CTNNA3: variants seen among roughly 807,000 people sequenced by gnomAD.
CTNNA3 encodes the protein catenin alpha-3.
A neutral mutation model predicts 95.7 loss-of-function variants in CTNNA3; 76 were observed. The observed-to-expected ratio is 0.79, with a 90% CI of 0.66 to 0.96. CTNNA3 has a LOEUF of 0.96. Among genes scored for constraint, CTNNA3 ranks in the 40% least tolerant of loss-of-function variants. The pLI, the probability that CTNNA3 is intolerant of heterozygous loss-of-function variation, is 0.00. For synonymous variants in CTNNA3, 431 were observed against 374.4 expected (o/e 1.15, Z -1.74); for missense variants, 1,191 against 1,089.8 (o/e 1.09, Z -1.31).
At chr10:66,558,886 C>G (rs1842469174) in intron 10 of CTNNA3, among the ~76,000 whole-genome samples, 1 of 152,050 alleles carries the variant, frequency 6.6e-6, no homozygotes, top group South Asian at 2.1e-4. Flanking sequence ...CTATCAGTCT[C>G]TCTTGGAGCT....
chr10:67,455,469 C>T (rs1478400609), intron 5 of CTNNA3, among the ~76,000 whole-genome samples: 7 of 152,152 alleles, frequency 4.6e-5, no homozygotes, highest in Admixed American at 1.3e-4. Context: ...GACTTACTTC[C>T]AAACAGGAGA....
intron 12 of CTNNA3, among the ~76,000 whole-genome samples, chr10:66,357,676 T>C (rs2092621561): frequency 6.6e-6 from 1 of 152,166 alleles, no homozygotes; most frequent in Non-Finnish European, 1.5e-5. Context: ...AATAATGTAG[T>C]ATGTATCATA....
intron 13 of CTNNA3, among the ~76,000 whole-genome samples, chr10:66,271,770 C>T (rs913033937): frequency 6.6e-6 from 1 of 152,160 alleles, no homozygotes; most frequent in Non-Finnish European, 1.5e-5. Context: ...GACTCCCCTG[C>T]CAGTCCAGTG....
At chr10:67,606,563 C>T (rs1017070169) in intron 3 of CTNNA3, among the ~76,000 whole-genome samples, 1 of 151,910 alleles carries the variant, frequency 6.6e-6, no homozygotes, top group Non-Finnish European at 1.5e-5. Flanking sequence ...TCACTATATT[C>T]TAAGACCAAA....
chr10:66,788,812 G>A (rs1840851310), intron 7 of CTNNA3, among the ~76,000 whole-genome samples: 2 of 152,072 alleles, frequency 1.3e-5, no homozygotes, highest in African/African-American at 2.4e-5. Flanking sequence ...TTTACTCAGG[G>A]CCCTTTCACA....
intron 7 of CTNNA3, among the ~76,000 whole-genome samples, chr10:66,998,039 C>T (rs558328549): frequency 6.6e-6 from 1 of 152,182 alleles, no homozygotes; most frequent in Non-Finnish European, 1.5e-5. Context: ...GTTTCATCCC[C>T]TCATTTCTCC....
Position 65,912,559 on chromosome 10 carries a change from C to T in CTNNA3, c.*7771G>A, listed in dbSNP as rs186913595. ...TCTTTTCATTTTTATTGCTTTAACA[C>T]ACATTTTAATTTTCAGTTGAACAAA... On this transcript the variant is annotated 3_prime_UTR_variant, in exon 18 of 18. Coordinates refer to ENST00000433211, the MANE Select transcript of CTNNA3 (RefSeq NM_013266.4). The T allele has an allele frequency of 1.1e-4, 16 of 152,192 alleles. No homozygotes were observed. The highest frequency in any genetic ancestry group is 3.9e-4 in the African/African-American group (16 of 41,534). 9.4% of individuals were successfully genotyped at this position (152,192 alleles called of 1,614,324 possible).
intron 5 of CTNNA3, among the ~76,000 whole-genome samples, chr10:67,246,284 G>T (rs1440400990): frequency 6.6e-6 from 1 of 152,182 alleles, no homozygotes; most frequent in African/African-American, 2.4e-5. Context: ...CCACCCTGGT[G>T]CATAAAATAA....
At chr10:66,752,039 C>T (rs931743539) in intron 9 of CTNNA3, among the ~76,000 whole-genome samples, 17 of 152,172 alleles carry the variant, frequency 1.1e-4, no homozygotes, top group South Asian at 2.1e-4. Context: ...ACTAATATAA[C>T]GATTCAATAT....
At chr10:67,550,321 T>C (rs1210873426) in intron 3 of CTNNA3, among the ~76,000 whole-genome samples, 2 of 152,096 alleles carry the variant, frequency 1.3e-5, no homozygotes, top group African/African-American at 4.8e-5. Flanking sequence ...CAGTGTAATA[T>C]CAAAAGGAGG....
At chr10:67,170,415 C>T (rs1483362674) in intron 7 of CTNNA3, among the ~76,000 whole-genome samples, 3 of 152,156 alleles carry the variant, frequency 2.0e-5, no homozygotes, top group Non-Finnish European at 4.4e-5. Flanking sequence ...GGCACATATT[C>T]ACCATGGAAT....
chr10:66,277,718 G>C (rs147478694), intron 13 of CTNNA3, among the ~76,000 whole-genome samples: 8 of 152,112 alleles, frequency 5.3e-5, no homozygotes, highest in Non-Finnish European at 5.9e-5. Context: ...TGGGGGTATA[G>C]AGATAGAGAC....
At chr10:66,214,713 T>G (rs557574748) in intron 13 of CTNNA3, among the ~76,000 whole-genome samples, 1 of 152,198 alleles carries the variant, frequency 6.6e-6, no homozygotes, top group African/African-American at 2.4e-5. Flanking sequence ...TTCCTTCTGG[T>G]TTCGTAAAGG....
At position 66,733,968 on chromosome 10, in the gene CTNNA3, ATAAT is replaced by A. The variant is rs571715203; in HGVS notation, c.1281+32292_1281+32295del. Among the ~76,000 whole-genome samples, 7 of 151,798 alleles carry A rather than the reference ATAAT, an allele frequency of 4.6e-5. No homozygotes were observed. The South Asian group carries it at 8.3e-4, about 18-fold the overall frequency. ...ATTTATTGCAAATATTTTCCCAGAT[ATAAT>A]TAGTTTTAATTTTATTTATGACATG... is the stretch of plus-strand genomic sequence containing the variant. On this transcript the variant is annotated intron_variant, in intron 9 of 17. Coordinates refer to ENST00000433211, the MANE Select transcript of CTNNA3 (RefSeq NM_013266.4).
chr10:67,235,315 G>T, intron 5 of CTNNA3, among the ~76,000 whole-genome samples: 1 of 151,880 alleles, frequency 6.6e-6, no homozygotes, highest in Non-Finnish European at 1.5e-5. Flanking sequence ...CCAAAACAGA[G>T]ATATAGATCA....
At chr10:67,529,960 T>G (rs1407518310) in intron 4 of CTNNA3, among the ~76,000 whole-genome samples, 1 of 151,988 alleles carries the variant, frequency 6.6e-6, no homozygotes, top group African/African-American at 2.4e-5. Flanking sequence ...TGTCACGAGA[T>G]CTGACGGTTT....
chr10:66,700,853 T>C (rs1228339117), intron 9 of CTNNA3, among the ~76,000 whole-genome samples: 1 of 152,216 alleles, frequency 6.6e-6, no homozygotes, highest in Non-Finnish European at 1.5e-5. Context: ...GCAGGAGCTG[T>C]ATATTCTCAC....
rs1248827088 is a variant in CTNNA3, at chr10:66,845,710, A to ATAAATAAAT, written c.1048-70187_1048-70186insATTTATTTA. Among the ~76,000 whole-genome samples the ATAAATAAAT allele has an allele frequency of 5.9e-4, 51 of 85,940 alleles. 4 individuals are homozygous for ATAAATAAAT. The highest frequency in any genetic ancestry group is 9.9e-4 in the East Asian group (2 of 2,012). 56.4% of individuals were successfully genotyped at this position (85,940 alleles called of 152,430 possible). The stretch of plus-strand genomic sequence containing the variant: ...AACAGCAAAACTCTGTCTCAAAAAA[A>ATAAATAAAT]AAAAAAAAAAAAAAAAAAACTAAAA... On this transcript the variant is annotated intron_variant, in intron 7 of 17. Transcript: ENST00000433211.
chr10:66,411,531 AT>A (rs769498939), intron 11 of CTNNA3, among the ~76,000 whole-genome samples: 93 of 152,224 alleles, frequency 6.1e-4, no homozygotes, highest in Non-Finnish European at 6.5e-4. Context: ...GAATTCAAAA[AT>A]AAATTTAACA....
Sources: allele counts gnomAD v4.1 joint callset (sites outside exome capture counted in the v4.1 genomes callset), GRCh38; gene constraint gnomAD v4.1.1; transcripts MANE v1.5; gene names NCBI Gene and HGNC (gene_info 2026-07-23, HGNC 2026-07-21).